Variants in SCYL2 observed in about 807,000 individuals in gnomAD.
The protein encoded by SCYL2 is SCY1-like protein 2.
Under a neutral mutation model 100.4 loss-of-function variants are expected in SCYL2, and 36 were observed. The ratio of observed to expected loss-of-function variants is 0.36; its 90% CI spans 0.27 to 0.47. The LOEUF is 0.47. Among genes scored for constraint, SCYL2 ranks in the 20% least tolerant of loss-of-function variants. The pLI is 1.00. For missense variants in SCYL2, 902 were observed against 1,083.9 expected (o/e 0.83, Z 2.36); for synonymous variants, 330 against 359.2 (o/e 0.92, Z 0.92).
intron 4 of SCYL2, among the ~76,000 whole-genome samples, chr12:100,299,279 G>T (rs1413012046): frequency 6.6e-6 from 1 of 151,984 alleles, no homozygotes; most frequent in Non-Finnish European, 1.5e-5. Flanking sequence ...CAGTGCCATA[G>T]AATAAATTTA....
In SCYL2 at chr12:100,315,823, A is replaced by C. The variant is rs951114541; in HGVS notation, c.1272+89A>C. The C allele has an allele frequency of 8.1e-6, 9 of 1,109,252 alleles. No individual in the cohort carries two copies. In the African/African-American group the frequency reaches 1.4e-4, roughly 18 times the overall value. 68.7% of individuals were successfully genotyped at this position (1,109,252 alleles called of 1,614,324 possible). A position where few individuals can be genotyped will look rare whatever the true frequency, so the allele number is the denominator to read the frequency against. ...ACAAAAGGAATGAATATATGACTTAAAAAAAACTGAGGTAAGTGTATGAGA... is the reference window on the plus strand; with the variant it reads ...ACAAAAGGAATGAATATATGACTTACAAAAAACTGAGGTAAGTGTATGAGA... On this transcript the variant is annotated intron_variant, in intron 9 of 17. Transcript: ENST00000360820.
At chr12:100,328,378 A>G (rs1477880271) in intron 12 of SCYL2, among the ~76,000 whole-genome samples, 3 of 152,206 alleles carry the variant, frequency 2.0e-5, no homozygotes, top group Non-Finnish European at 2.9e-5. Flanking sequence ...TGAAAAGTTT[A>G]TTTATCCAAT....
intron 2 of SCYL2, among the ~76,000 whole-genome samples, chr12:100,290,670 A>T (rs929203689): frequency 7.9e-5 from 12 of 152,212 alleles, no homozygotes; most frequent in African/African-American, 2.7e-4. Context: ...AAAGACATAG[A>T]AATTCTGAAA....
chr12:100,296,965 A>G (rs2096321583), intron 3 of SCYL2, among the ~76,000 whole-genome samples: 1 of 152,216 alleles, frequency 6.6e-6, no homozygotes, highest in Non-Finnish European at 1.5e-5. Flanking sequence ...GATTTAAGGC[A>G]GAAGAAAAGT....
At chr12:100,270,981 C>T (rs2096287008) in intron 1 of SCYL2, among the ~76,000 whole-genome samples, 2 of 151,740 alleles carry the variant, frequency 1.3e-5, no homozygotes, top group Non-Finnish European at 2.9e-5. Flanking sequence ...TCAGGCTTGT[C>T]TTCTGTAATC....
chr12:100,305,051 A>G (rs1444819949), intron 4 of SCYL2, among the ~76,000 whole-genome samples: 1 of 152,202 alleles, frequency 6.6e-6, no homozygotes, highest in African/African-American at 2.4e-5. Flanking sequence ...ACGCAATAAT[A>G]GTGGGTGACT....
intron 10 of SCYL2, 128 bp from the exon 11 acceptor site, chr12:100,323,397 C>A: frequency 1.6e-6 from 1 of 625,454 alleles, no homozygotes; most frequent in Non-Finnish European, 2.8e-6. Flanking sequence ...TTGAAAGGAC[C>A]AAATAATATA....
rs965889339 is a variant in SCYL2 at position 100,340,309 on chromosome 12, C to A, written c.*1137C>A. ...TTTTAGGAAGGAAAGAATCAATTCTCTTAACAGGAAACATGCTTTATTTTT... is the reference window on the plus strand; with the variant it reads ...TTTTAGGAAGGAAAGAATCAATTCTATTAACAGGAAACATGCTTTATTTTT... On this transcript the variant is annotated 3_prime_UTR_variant, in exon 18 of 18. Transcript: ENST00000360820. 6.6e-6 allele frequency: 1 copy of A among 152,244 alleles called. No homozygotes were observed. The highest frequency in any genetic ancestry group is 1.5e-5 in the Non-Finnish European group (1 of 67,934). The allele number at this position is 152,244 out of a possible 1,614,324, so 9.4% of individuals were successfully genotyped here. A position where few individuals can be genotyped will look rare whatever the true frequency, so the allele number is the denominator to read the frequency against.
At chr12:100,269,180 G>A (rs1408985305) in intron 1 of SCYL2, among the ~76,000 whole-genome samples, 1 of 152,060 alleles carries the variant, frequency 6.6e-6, no homozygotes, top group Non-Finnish European at 1.5e-5. Flanking sequence ...TACAAGCCCT[G>A]CATAGTCGGT....
At chr12:100,300,003 C>A (rs948980718) in intron 4 of SCYL2, among the ~76,000 whole-genome samples, 1 of 152,054 alleles carries the variant, frequency 6.6e-6, no homozygotes, top group Non-Finnish European at 1.5e-5. Flanking sequence ...TCATTTTTTT[C>A]ACATCTTTGC....
At chr12:100,291,458 C>G in intron 2 of SCYL2, 45 bp from the exon 3 acceptor site, 1 of 1,274,366 alleles carries the variant, frequency 7.8e-7, no homozygotes. Flanking sequence ...AATTTTATTA[C>G]TTTTCTATAT....
intron 1 of SCYL2, among the ~76,000 whole-genome samples, chr12:100,270,540 T>G (rs2096286478): frequency 6.6e-6 from 1 of 152,140 alleles, no homozygotes. Context: ...AACTTGGATG[T>G]AATCTTTCCT....
Position 100,313,509 on chromosome 12 carries a change from G to C in SCYL2, c.940G>C (p.Val314Leu), listed in dbSNP as rs763489171. The C allele has an allele frequency of 2.5e-6, 4 of 1,604,188 alleles. No individual in the cohort carries two copies. The highest frequency in any genetic ancestry group is 3.4e-6 in the Non-Finnish European group (4 of 1,171,622). Residue 314 changes from valine to leucine, a missense_variant, in exon 7 of 18, where the codon GTA (valine) becomes CTA (leucine). Coordinates refer to ENST00000360820, the MANE Select transcript of SCYL2 (RefSeq NM_017988.6). ...VKLLLNVTPTVRPDADQMTKI... is the reference protein window; with the variant it reads ...VKLLLNVTPTLRPDADQMTKI... ...GCTACTGTTAAATGTAACTCCGACT[G>C]TAAGACCAGATGCAGATCAAATGAC...
Position 100,268,246 on chromosome 12 carries a change from A to G in SCYL2, c.-29+454A>G, listed in dbSNP as rs1344686. On this transcript the variant is annotated intron_variant, in intron 1 of 17. Transcript: ENST00000360820. Reference sequence around the variant, plus strand: ...ACACTTTCTAAAAACATTGGATACTATGAGTGAGTTTTCTAAGTAGCCTAT... The same window carrying G: ...ACACTTTCTAAAAACATTGGATACTGTGAGTGAGTTTTCTAAGTAGCCTAT... Among the ~76,000 whole-genome samples the G allele has an allele frequency of 5.4e-3, 821 of 152,308 alleles. 22 individuals carry two copies. The highest frequency in any genetic ancestry group is 0.036 in the Admixed American group (556 of 15,292).
intron 1 of SCYL2, among the ~76,000 whole-genome samples, chr12:100,278,517 A>G (rs1309929590): frequency 6.6e-6 from 1 of 152,000 alleles, no homozygotes; most frequent in African/African-American, 2.4e-5. Flanking sequence ...TTGAGTTTTG[A>G]AAGTTTTTTC....
At chr12:100,295,216 G>C (rs1365696435) in intron 3 of SCYL2, among the ~76,000 whole-genome samples, 1 of 151,068 alleles carries the variant, frequency 6.6e-6, no homozygotes, top group Non-Finnish European at 1.5e-5. Context: ...TTCCCAGACT[G>C]GGCAGCCAGG....
At chr12:100,313,756 G>A (rs544417490) in intron 7 of SCYL2, among the ~76,000 whole-genome samples, 8 of 152,092 alleles carry the variant, frequency 5.3e-5, no homozygotes, top group Non-Finnish European at 8.8e-5. Flanking sequence ...AAATATGTAC[G>A]TAATTGCTCT....
At position 100,309,179 on chromosome 12, in the gene SCYL2, G is replaced by T. The variant is rs147958158; in HGVS notation, c.481-1865G>T. 5.8e-3 allele frequency among the ~76,000 whole-genome samples: 878 copies of T among 152,006 alleles called. 7 individuals carry two copies. The highest frequency in any genetic ancestry group is 0.011 in the Non-Finnish European group (721 of 67,966). On this transcript the variant is annotated intron_variant, in intron 4 of 17. Transcript: ENST00000360820. ...AGTTTTTAAAATTTGGTGTTCCTGC[G>T]CAGGGAGGATATACAGTGTAGGATT... is the stretch of plus-strand genomic sequence containing the variant.
intron 4 of SCYL2, among the ~76,000 whole-genome samples, chr12:100,304,839 G>C (rs1207907877): frequency 1.3e-5 from 2 of 150,572 alleles, no homozygotes; most frequent in African/African-American, 2.5e-5. Context: ...AAAAAAAAAA[G>C]CGGGGGTTGC....
Sources: allele counts gnomAD v4.1 joint callset (sites outside exome capture counted in the v4.1 genomes callset), GRCh38; gene constraint gnomAD v4.1.1; transcripts MANE v1.5; gene names NCBI Gene and HGNC (gene_info 2026-07-23, HGNC 2026-07-21).